FOXN4: variants seen among roughly 807,000 people sequenced by gnomAD.
The protein encoded by FOXN4 is forkhead box protein N4.
Under a neutral mutation model 45.0 loss-of-function variants are expected in FOXN4, and 12 were observed. The observed-to-expected ratio is 0.27, with a 90% confidence interval of 0.17 to 0.43. The LOEUF (loss-of-function observed/expected upper bound fraction) is 0.43, where lower values mean the gene tolerates loss of function less well. FOXN4 is among the 20% of genes least tolerant of loss of function. The probability of loss-of-function intolerance (pLI) is 1.00; values close to 1 mark genes in which losing one functional copy is unlikely to be tolerated. For synonymous variants in FOXN4, 297 were observed against 295.0 expected (o/e 1.01, Z -0.07); for missense variants, 560 against 694.9 (o/e 0.81, Z 2.18).
At position 109,288,325 on chromosome 12, in the gene FOXN4, T is replaced by A; in HGVS notation, c.233-145A>T. ...CATAGTAGGTGCTTGGCAAATCACT[T>A]CCCTGGTGTGTAGTGAAAAGTAGGT... is the stretch of plus-strand genomic sequence containing the variant. On this transcript the variant is annotated intron_variant, in intron 3 of 9. Transcript: ENST00000299162. This position sits in a 1 kb window ranked among gnomAD's most constrained non-coding sequence, Gnocchi z 4.3. 3 of 1,158,560 alleles carry A rather than the reference T, an allele frequency of 2.6e-6. No homozygotes were observed. The highest frequency in any genetic ancestry group is 3.6e-6 in the Non-Finnish European group (3 of 844,418). 71.8% of individuals were successfully genotyped at this position (1,158,560 alleles called of 1,614,324 possible). A position where few individuals can be genotyped will look rare whatever the true frequency, so the allele number is the denominator to read the frequency against.
intron 2 of FOXN4, among the ~76,000 whole-genome samples, chr12:109,296,277 C>T (rs905810952): frequency 8.5e-5 from 13 of 152,202 alleles, no homozygotes; most frequent in African/African-American, 3.1e-4. Flanking sequence ...TCCTGCCCTC[C>T]AACCTGTTCA....
rs972719123 is a variant in FOXN4, at chr12:109,287,785, G to A, written c.468+59C>T. 11 of 1,459,754 alleles carry A rather than the reference G, an allele frequency of 7.5e-6. No individual in the cohort carries two copies. The highest frequency in any genetic ancestry group is 2.9e-5 in the African/African-American group (2 of 69,300). 90.4% of individuals were successfully genotyped at this position (1,459,754 alleles called of 1,614,324 possible). ...TAAACTGAGGCTCAGAGGGGTCCCC[G>A]GCCAGCCCAAGGCAGGGTGTCTGCT... is the stretch of plus-strand genomic sequence containing the variant. On this transcript the variant is annotated intron_variant, in intron 5 of 9. Transcript: ENST00000299162. The surrounding 1 kb of genome is among the most constrained non-coding windows in gnomAD (Gnocchi z 4.1).
chr12:109,306,978 C>T (rs1398094918), intron 2 of FOXN4, among the ~76,000 whole-genome samples: 1 of 152,192 alleles, frequency 6.6e-6, no homozygotes, highest in Non-Finnish European at 1.5e-5. Context: ...ACCTATACAA[C>T]AGGGCTCATC....
intron 7 of FOXN4, among the ~76,000 whole-genome samples, chr12:109,285,803 A>C (rs1214364153): frequency 6.6e-6 from 1 of 152,120 alleles, no homozygotes; most frequent in Non-Finnish European, 1.5e-5. Flanking sequence ...CCATTCAGGA[A>C]GCAAGCAAGG....
intron 1 of FOXN4, among the ~76,000 whole-genome samples, chr12:109,308,778 C>A (rs1253870032): frequency 1.3e-5 from 2 of 152,136 alleles, no homozygotes; most frequent in Admixed American, 1.3e-4. Flanking sequence ...AGGGAATAAT[C>A]CCCGCAAGCT....
At chr12:109,282,283 C>CA (rs966145255) in intron 8 of FOXN4, among the ~76,000 whole-genome samples, 22 of 152,082 alleles carry the variant, frequency 1.4e-4, no homozygotes, top group Admixed American at 1.0e-3. Context: ...ACCATCTCTA[C>CA]AAAAAATAAA....
In FOXN4 at chr12:109,280,755, C is replaced by T. The variant is rs115652873; in HGVS notation, c.1294+652G>A. On this transcript the variant is annotated intron_variant, in intron 9 of 9. Coordinates refer to ENST00000299162, the MANE Select transcript of FOXN4 (RefSeq NM_213596.3). The stretch of plus-strand genomic sequence containing the variant: ...ACCCTTGGCTGGAACATAAGAGCTG[C>T]ACCTGTGCTAGTGAATGGATGAAGT... 1.8e-3 allele frequency among the ~76,000 whole-genome samples: 278 copies of T among 152,328 alleles called. 1 individual carries two copies. Among genetic ancestry groups the T allele is most frequent in the African/African-American group, 6.2e-3 (258 of 41,582 alleles).
Position 109,290,303 on chromosome 12 carries a change from AG to A in FOXN4, c.87-18del. 2.0e-6 allele frequency: 3 copies of A among 1,535,340 alleles called. No individual in the cohort carries two copies. In the African/African-American group the frequency reaches 4.1e-5, roughly 21 times the overall value. Reference sequence around the variant, plus strand: ...GCTAGAAGCCTGCAAAGAGGAACAGAGAACTCGGGCGGGAGGGGGAGCTTAG... The same window carrying A: ...GCTAGAAGCCTGCAAAGAGGAACAGAAACTCGGGCGGGAGGGGGAGCTTAG... On this transcript the variant is annotated intron_variant, in intron 2 of 9. Coordinates refer to ENST00000299162, the MANE Select transcript of FOXN4 (RefSeq NM_213596.3). This position sits in a 1 kb window ranked among gnomAD's most constrained non-coding sequence, Gnocchi z 5.1.
intron 7 of FOXN4, among the ~76,000 whole-genome samples, chr12:109,285,839 C>T (rs1307788461): frequency 6.6e-6 from 1 of 151,456 alleles, no homozygotes; most frequent in East Asian, 1.9e-4. Flanking sequence ...AAATGGATAA[C>T]TGATCGAGTG....
intron 2 of FOXN4, among the ~76,000 whole-genome samples, chr12:109,296,034 C>T (rs1349975072): frequency 6.6e-6 from 1 of 152,196 alleles, no homozygotes; most frequent in Non-Finnish European, 1.5e-5. Context: ...CTGATAAGTG[C>T]CCATCCTCTC....
intron 2 of FOXN4, among the ~76,000 whole-genome samples, chr12:109,304,289 A>AAGAG (rs1340243851): frequency 2.0e-5 from 1 of 51,240 alleles, no homozygotes; most frequent in African/African-American, 9.0e-5. Flanking sequence ...GAAAGAAAGA[A>AAGAG]AGAAAGGAGA....
At position 109,286,546 on chromosome 12, in the gene FOXN4, C is replaced by T. The variant is rs1337718799; in HGVS notation, c.693+102G>A. 1.5e-5 allele frequency: 17 copies of T among 1,136,012 alleles called. No homozygotes were observed. In the Admixed American group the frequency reaches 3.6e-4, roughly 24 times the overall value. The allele number at this position is 1,136,012 out of a possible 1,614,324, so 70.4% of individuals were successfully genotyped here. On this transcript the variant is annotated intron_variant, in intron 7 of 9. Transcript: ENST00000299162. The stretch of plus-strand genomic sequence containing the variant: ...CTAACCACCAGATGTACAGACATAA[C>T]TGGGAACCAAAGAGGGTTGGCCCAG...
chr12:109,304,295 G>GAAAGAAAA (rs1555244325), intron 2 of FOXN4, among the ~76,000 whole-genome samples: 1 of 40,014 alleles, frequency 2.5e-5, no homozygotes, highest in Non-Finnish European at 5.2e-5. Flanking sequence ...AAGAAAGAAA[G>GAAAGAAAA]GAGAAAGAAA....
At chr12:109,308,564 G>A (rs2047941036) in intron 1 of FOXN4, among the ~76,000 whole-genome samples, 1 of 152,212 alleles carries the variant, frequency 6.6e-6, no homozygotes, top group African/African-American at 2.4e-5. Context: ...CGGTTCTTTC[G>A]AATTAATGGG....
chr12:109,281,280 G>GGTT, intron 9 of FOXN4, 127 bp downstream of exon 9: 1 of 1,328,714 alleles, frequency 7.5e-7, no homozygotes, highest in Non-Finnish European at 1.0e-6. Context: ...AACTTGTAAA[G>GGTT]GTTGTTGCTA....
rs770057194 is a variant in FOXN4, at chr12:109,279,680, G to A, written c.1545C>T (p.Ala515=). 1.5e-5 allele frequency: 23 copies of A among 1,574,018 alleles called. No individual in the cohort carries two copies. The highest frequency in any genetic ancestry group is 1.7e-5 in the Non-Finnish European group (20 of 1,159,958). ...AGGTGAGGCTGACAGCTCAAAGCAGGGCTATAGGCTTGTTCCCCTGTGCAC... is the reference window on the plus strand; with the variant it reads ...AGGTGAGGCTGACAGCTCAAAGCAGAGCTATAGGCTTGTTCCCCTGTGCAC... ...YLGAQGNKPI[A]LL Residue 515 remains alanine (A), a synonymous_variant, in exon 10 of 10, where the codon GCC becomes GCT. Coordinates refer to ENST00000299162, the MANE Select transcript of FOXN4 (RefSeq NM_213596.3).
chr12:109,286,773 GCAGGGCAGGACAGGGCAGGC>G (rs763435638), intron 6 of FOXN4, 29 bp from the exon 7 acceptor site: 2 of 1,582,166 alleles, frequency 1.3e-6, no homozygotes, highest in Non-Finnish European at 1.7e-6. Context: ...GCAGGGCAGG[GCAGGGCAGGACAGGGCAGGC>G]CAGGCATGAA....
At chr12:109,295,031 G>A (rs961734416) in intron 2 of FOXN4, among the ~76,000 whole-genome samples, 2 of 152,176 alleles carry the variant, frequency 1.3e-5, no homozygotes, top group Non-Finnish European at 2.9e-5. Flanking sequence ...CCTGGGGAGG[G>A]CACTTAATCG....
intron 2 of FOXN4, among the ~76,000 whole-genome samples, chr12:109,307,877 T>G (rs2047935723): frequency 6.6e-6 from 1 of 152,176 alleles, no homozygotes; most frequent in Non-Finnish European, 1.5e-5. Flanking sequence ...GAAGGTTTTT[T>G]TTTGGCAGGG....
Sources: gnomAD v4.1 joint callset for allele counts (sites outside exome capture counted in the v4.1 genomes callset) on GRCh38, gnomAD v4.1.1 for gene constraint, Gnocchi (gnomAD v3.1) non-coding constraint, MANE v1.5 for transcripts, NCBI Gene and HGNC (gene_info 2026-07-23, HGNC 2026-07-21) for gene names.